The following ARL15 variants were observed in gnomAD, a reference collection of about 807,000 sequenced individuals.
ARL15 encodes ARF like GTPase 15.
A neutral mutation model predicts 25.2 loss-of-function variants in ARL15; 19 were observed. The ratio of observed to expected loss-of-function variants is 0.75; its 90% confidence interval spans 0.53 to 1.10. The LOEUF (loss-of-function observed/expected upper bound fraction) is 1.10, where lower values mean the gene tolerates loss of function less well. Among genes scored for constraint, ARL15 ranks in the 50% least tolerant of loss-of-function variants. The probability of loss-of-function intolerance (pLI) is 0.00; values close to 1 mark genes in which losing one functional copy is unlikely to be tolerated. For missense variants in ARL15, 220 were observed against 246.0 expected, an observed-to-expected ratio of 0.89 and a Z score of 0.71; for synonymous variants, 94 against 86.8, an observed-to-expected ratio of 1.08 and a Z score of -0.46.
At chr5:54,279,538 T>C (rs1758003974) in intron 1 of ARL15, among the ~76,000 whole-genome samples, 1 of 152,144 alleles carries the variant, frequency 6.6e-6, no homozygotes, top group Non-Finnish European at 1.5e-5. Flanking sequence ...CATGACCTCA[T>C]CTAAACCTAA....
intron 3 of ARL15, among the ~76,000 whole-genome samples, chr5:54,139,148 C>T (rs536477821): frequency 3.9e-5 from 6 of 152,302 alleles, no homozygotes; most frequent in African/African-American, 1.4e-4. Flanking sequence ...TTCGATCCAG[C>T]AGTCCCACTA....
chr5:53,964,610 T>C (rs975426776), intron 4 of ARL15, among the ~76,000 whole-genome samples: 7 of 152,194 alleles, frequency 4.6e-5, no homozygotes. Flanking sequence ...TCCGCCCACC[T>C]TGGCCTCCCA....
At chr5:53,960,429 G>A (rs148793471) in intron 4 of ARL15, among the ~76,000 whole-genome samples, 3 of 152,286 alleles carry the variant, frequency 2.0e-5, no homozygotes, top group Admixed American at 6.5e-5. Flanking sequence ...CCAAACCAAT[G>A]AGGCTAGGGC....
At chr5:53,914,550 A>T (rs1745571770) in intron 4 of ARL15, among the ~76,000 whole-genome samples, 1 of 152,124 alleles carries the variant, frequency 6.6e-6, no homozygotes, top group African/African-American at 2.4e-5. Context: ...ATATTCGTCC[A>T]TTCATTTCCC....
At chr5:54,010,452 T>G (rs1056311396) in intron 4 of ARL15, among the ~76,000 whole-genome samples, 10 of 152,172 alleles carry the variant, frequency 6.6e-5, no homozygotes, top group Non-Finnish European at 1.5e-4. Context: ...TAACAAGACA[T>G]TCAAGACAAA....
chr5:53,942,043 C>T (rs1392001200), intron 4 of ARL15, among the ~76,000 whole-genome samples: 5 of 152,080 alleles, frequency 3.3e-5, no homozygotes, highest in African/African-American at 1.2e-4. Flanking sequence ...GCAGAGATGC[C>T]AGGTAGGAAG....
chr5:53,947,074 G>C (rs1746761033), intron 4 of ARL15, among the ~76,000 whole-genome samples: 1 of 151,952 alleles, frequency 6.6e-6, no homozygotes, highest in African/African-American at 2.4e-5. Context: ...TTAAATCTTA[G>C]TTGGTGCTAA....
intron 1 of ARL15, among the ~76,000 whole-genome samples, chr5:54,293,670 C>T (rs1400982759): frequency 2.0e-5 from 3 of 152,316 alleles, no homozygotes; most frequent in South Asian, 2.1e-4. Flanking sequence ...AGGGACCCAG[C>T]TTCTGTTCTG....
intron 4 of ARL15, among the ~76,000 whole-genome samples, chr5:53,957,147 A>T (rs928837808): frequency 6.6e-6 from 1 of 152,224 alleles, no homozygotes; most frequent in African/African-American, 2.4e-5. Flanking sequence ...GCACCAAAAC[A>T]TCTAATAATC....
chr5:54,245,141 C>G (rs1401930817), intron 1 of ARL15, among the ~76,000 whole-genome samples: 1 of 152,070 alleles, frequency 6.6e-6, no homozygotes, highest in Non-Finnish European at 1.5e-5. Flanking sequence ...ATTCCTTTAT[C>G]CTACTTCTTT....
chr5:54,161,577 T>A (rs1754402036), intron 2 of ARL15, among the ~76,000 whole-genome samples: 2 of 152,190 alleles, frequency 1.3e-5, no homozygotes, highest in Admixed American at 1.3e-4. Flanking sequence ...TTTCCATTAA[T>A]TTGTTTGCCA....
chr5:54,134,578 T>G (rs1753541632), intron 3 of ARL15, among the ~76,000 whole-genome samples: 1 of 122,028 alleles, frequency 8.2e-6, no homozygotes, highest in Admixed American at 8.1e-5. Flanking sequence ...CTTTTTTTTT[T>G]TTTTTTTTTT....
intron 4 of ARL15, among the ~76,000 whole-genome samples, chr5:54,024,820 TACTC>T (rs1561193357): frequency 1.3e-5 from 2 of 152,206 alleles, no homozygotes; most frequent in South Asian, 2.1e-4. Flanking sequence ...TTAATACAAA[TACTC>T]ACAAAGTATA....
At position 54,302,159 on chromosome 5, in the gene ARL15, G is replaced by C. The variant is rs1250433173; in HGVS notation, c.48+8273C>G. Among the ~76,000 whole-genome samples, 3 of 152,308 alleles carry C rather than the reference G, an allele frequency of 2.0e-5. No individual in the cohort carries two copies. The East Asian group carries it at 5.8e-4, about 29-fold the overall frequency. On this transcript the variant is annotated intron_variant, in intron 1 of 4. Coordinates refer to ENST00000504924, the MANE Select transcript of ARL15 (RefSeq NM_019087.3). ...CAGAGGGCCTCTCACAGGCAACCAG[G>C]TGACAGAAACAATCAAGTGACCCCT...
intron 2 of ARL15, among the ~76,000 whole-genome samples, chr5:54,164,219 G>A (rs1490937982): frequency 2.0e-5 from 3 of 151,436 alleles, no homozygotes; most frequent in South Asian, 2.1e-4. Context: ...ATTCTATCAC[G>A]GTCTAAGAAC....
intron 1 of ARL15, among the ~76,000 whole-genome samples, chr5:54,308,247 A>C (rs186560589): frequency 7.4e-4 from 112 of 152,316 alleles, no homozygotes; most frequent in African/African-American, 2.6e-3. Flanking sequence ...GAATTTTCTG[A>C]AATCTTTTCA....
intron 1 of ARL15, among the ~76,000 whole-genome samples, chr5:54,303,287 T>A: frequency 6.6e-6 from 1 of 152,032 alleles, no homozygotes; most frequent in East Asian, 1.9e-4. Flanking sequence ...TTTGGGAAGC[T>A]GAGGTAGGTG....
chr5:54,134,601 T>C (rs1024517434), intron 3 of ARL15, among the ~76,000 whole-genome samples: 23 of 122,706 alleles, frequency 1.9e-4, no homozygotes, highest in Admixed American at 1.2e-3. Flanking sequence ...TTTTTTTTTT[T>C]CTGAGACAGA....
chr5:54,105,282 G>A (rs1006753912), intron 4 of ARL15, among the ~76,000 whole-genome samples: 1 of 151,900 alleles, frequency 6.6e-6, no homozygotes, highest in Non-Finnish European at 1.5e-5. Flanking sequence ...CCTCAAATCA[G>A]CCATTGCCTT....
Sources: allele counts gnomAD v4.1 joint callset (sites outside exome capture counted in the v4.1 genomes callset), GRCh38; gene constraint gnomAD v4.1.1; transcripts MANE v1.5; gene names NCBI Gene and HGNC (gene_info 2026-07-23, HGNC 2026-07-21).